ATRNL1: variants seen among roughly 807,000 people sequenced by gnomAD.
ATRNL1 encodes attractin like 1.
A neutral mutation model predicts 182.7 loss-of-function variants in ATRNL1; 95 were observed. The observed-to-expected ratio is 0.52, with a 90% CI of 0.44 to 0.62. ATRNL1 has a LOEUF of 0.62. Among genes scored for constraint, ATRNL1 ranks in the 20% least tolerant of loss-of-function variants. The probability of loss-of-function intolerance (pLI) is 0.00; values close to 1 mark genes in which losing one functional copy is unlikely to be tolerated. For synonymous variants in ATRNL1, 576 were observed against 568.3 expected, an observed-to-expected ratio of 1.01 and a Z score of -0.19; for missense variants, 1,471 against 1,679.5, an observed-to-expected ratio of 0.88 and a Z score of 2.17.
At chr10:115,190,862 T>C (rs550159107) in intron 8 of ATRNL1, among the ~76,000 whole-genome samples, 1 of 152,262 alleles carries the variant, frequency 6.6e-6, no homozygotes, top group South Asian at 2.1e-4. Flanking sequence ...CCTCACTTTA[T>C]CCCCTGCTCT....
chr10:115,390,652 A>G (rs1005739478), intron 19 of ATRNL1, among the ~76,000 whole-genome samples: 1 of 152,106 alleles, frequency 6.6e-6, no homozygotes. Context: ...ATTAATTTCC[A>G]TATGAATTTT....
chr10:115,744,644 G>A (rs782517392), intron 27 of ATRNL1, among the ~76,000 whole-genome samples: 66 of 151,686 alleles, frequency 4.4e-4, no homozygotes, highest in Admixed American at 6.6e-4. Flanking sequence ...CCCTCTTTTT[G>A]CCATAATATT....
At chr10:115,304,389 T>C (rs1302851395) in intron 17 of ATRNL1, among the ~76,000 whole-genome samples, 3 of 152,226 alleles carry the variant, frequency 2.0e-5, no homozygotes, top group African/African-American at 7.2e-5. Context: ...AGTAATGATA[T>C]GGCTCCCATG....
intron 19 of ATRNL1, among the ~76,000 whole-genome samples, chr10:115,368,013 G>T (rs975541468): frequency 1.3e-5 from 2 of 152,104 alleles, no homozygotes. Flanking sequence ...GCCTACAGAG[G>T]CAGGCAGGCC....
intron 21 of ATRNL1, among the ~76,000 whole-genome samples, chr10:115,458,471 T>C (rs1289590439): frequency 2.0e-5 from 3 of 152,154 alleles, no homozygotes; most frequent in Non-Finnish European, 2.9e-5. Flanking sequence ...CTCAGCTTTG[T>C]ATTTTTAGCC....
At chr10:115,716,200 A>T (rs998664232) in intron 26 of ATRNL1, among the ~76,000 whole-genome samples, 2 of 152,142 alleles carry the variant, frequency 1.3e-5, no homozygotes, top group Non-Finnish European at 2.9e-5. Flanking sequence ...ATGGAGACTT[A>T]AAAAAATTAT....
chr10:115,391,455 C>T (rs1844014075), intron 19 of ATRNL1, among the ~76,000 whole-genome samples: 1 of 152,112 alleles, frequency 6.6e-6, no homozygotes, highest in East Asian at 1.9e-4. Context: ...TCATGCTTGA[C>T]CTTGGGTTCA....
chr10:115,096,280 G>GGT (rs1420119902), intron 1 of ATRNL1, among the ~76,000 whole-genome samples: 1 of 151,964 alleles, frequency 6.6e-6, no homozygotes, highest in South Asian at 2.1e-4. Context: ...AAATATAACT[G>GGT]GTGTAACGAT....
At chr10:115,625,202 G>A (rs1555024287) in intron 26 of ATRNL1, among the ~76,000 whole-genome samples, 2 of 152,144 alleles carry the variant, frequency 1.3e-5, no homozygotes, top group Non-Finnish European at 2.9e-5. Flanking sequence ...ATTTGGAACA[G>A]TACATTTTGT....
chr10:115,113,765 T>A (rs1844359651), intron 1 of ATRNL1, among the ~76,000 whole-genome samples: 1 of 152,146 alleles, frequency 6.6e-6, no homozygotes, highest in South Asian at 2.1e-4. Flanking sequence ...ATCAGCAGCA[T>A]GAAAATGGAT....
intron 26 of ATRNL1, among the ~76,000 whole-genome samples, chr10:115,655,022 A>G (rs1860245795): frequency 6.6e-6 from 1 of 152,200 alleles, no homozygotes; most frequent in Admixed American, 6.5e-5. Flanking sequence ...GGAGTGAAAG[A>G]GGGAAAAGAG....
intron 25 of ATRNL1, among the ~76,000 whole-genome samples, chr10:115,529,805 T>G (rs1554987691): frequency 6.6e-6 from 1 of 152,150 alleles, no homozygotes; most frequent in African/African-American, 2.4e-5. Flanking sequence ...AAGTGCACAG[T>G]TATTCTTCAA....
At chr10:115,469,041 T>C in intron 23 of ATRNL1, 131 bp from the exon 24 acceptor site, 1 of 351,460 alleles carries the variant, frequency 2.8e-6, no homozygotes, top group Non-Finnish European at 5.0e-6. Context: ...TTATTTTCCT[T>C]CATTCAAAAT....
At position 115,286,389 on chromosome 10, in the gene ATRNL1, A is replaced by G. The variant is rs782661605; in HGVS notation, c.2407A>G (p.Thr803Ala). The G allele has an allele frequency of 2.6e-6, 4 of 1,554,492 alleles. No individual in the cohort carries two copies. Among genetic ancestry groups the G allele is most frequent in the Non-Finnish European group, 2.6e-6 (3 of 1,144,004 alleles). The change falls in exon 15 of 29, where the codon ACA becomes GCA. Residue 803 changes from threonine (T) to alanine (A), a missense_variant. Physicochemically the swap from Thr to Ala is moderately conservative, Grantham distance 58 (BLOSUM62 0). Around this residue, in one of 3 missense-constraint regions of ATRNL1, gnomAD observed 1,031 missense variants for 1,156.0 expected, o/e 0.89. Transcript: ENST00000355044. The stretch of plus-strand genomic sequence containing the variant: ...TGTTCTGGATGAAATACAGAAGTAT[A>G]CACAACAGGTAACATTTCTACTTGT... ...EFVLDEIQKYTQQKVSPWVGL... is the reference protein window; with the variant it reads ...EFVLDEIQKYAQQKVSPWVGL...
chr10:115,657,805 C>A (rs551123710), intron 26 of ATRNL1, among the ~76,000 whole-genome samples: 1 of 152,218 alleles, frequency 6.6e-6, no homozygotes, highest in Admixed American at 6.5e-5. Flanking sequence ...CCCTTTTCTT[C>A]TTTATCTTTT....
At chr10:115,579,475 A>C (rs1854936663) in intron 26 of ATRNL1, among the ~76,000 whole-genome samples, 1 of 151,814 alleles carries the variant, frequency 6.6e-6, no homozygotes, top group Non-Finnish European at 1.5e-5. Flanking sequence ...ATTATCGTTG[A>C]CCTTCTTTGT....
chr10:115,204,922 G>A (rs2144336756), intron 8 of ATRNL1, among the ~76,000 whole-genome samples: 1 of 152,048 alleles, frequency 6.6e-6, no homozygotes, highest in South Asian at 2.1e-4. Flanking sequence ...TTGTTGGGAG[G>A]TTTTTGATTA....
At chr10:115,549,946 A>G (rs1164621173) in intron 26 of ATRNL1, among the ~76,000 whole-genome samples, 1 of 151,898 alleles carries the variant, frequency 6.6e-6, no homozygotes, top group Non-Finnish European at 1.5e-5. Context: ...TCTCCTAGAA[A>G]TTTATTATAA....
At chr10:115,724,335 G>A (rs1947528904) in intron 26 of ATRNL1, among the ~76,000 whole-genome samples, 1 of 152,062 alleles carries the variant, frequency 6.6e-6, no homozygotes, top group Admixed American at 6.6e-5. Context: ...TTTGTTAAAA[G>A]GGAGACTAGT....
Sources: allele counts gnomAD v4.1 joint callset (sites outside exome capture counted in the v4.1 genomes callset), GRCh38; gene constraint gnomAD v4.1.1; regional missense constraint gnomAD v4.1.1; transcripts MANE v1.5; gene names NCBI Gene and HGNC (gene_info 2026-07-23, HGNC 2026-07-21).